Variants in EXOC6B observed in about 807,000 individuals in gnomAD.
EXOC6B encodes the protein SEC15 homolog B.
Under a neutral mutation model 113.5 loss-of-function variants are expected in EXOC6B, and 54 were observed. The ratio of observed to expected loss-of-function variants is 0.48; its 90% CI spans 0.38 to 0.60. The LOEUF (loss-of-function observed/expected upper bound fraction) is 0.60, where lower values mean the gene tolerates loss of function less well. Ranked by LOEUF, EXOC6B falls within the 20% of genes least tolerant of loss-of-function variation. The pLI is 0.00. For missense variants in EXOC6B, 797 were observed against 977.5 expected (o/e 0.82, Z 2.46); for synonymous variants, 357 against 339.0 (o/e 1.05, Z -0.58).
chr2:72,385,124 T>C (rs1029275307), intron 18 of EXOC6B, among the ~76,000 whole-genome samples: 1 of 152,062 alleles, frequency 6.6e-6, no homozygotes, highest in African/African-American at 2.4e-5. Flanking sequence ...TACAAATCTA[T>C]AGTAATCAAG....
At chr2:72,796,439 T>A (rs1684955328) in intron 1 of EXOC6B, among the ~76,000 whole-genome samples, 1 of 138,526 alleles carries the variant, frequency 7.2e-6, no homozygotes, top group Non-Finnish European at 1.5e-5. Context: ...GGTGACAGAG[T>A]GAGACTCCAT....
At chr2:72,656,947 G>A (rs918027727) in intron 6 of EXOC6B, among the ~76,000 whole-genome samples, 4 of 152,000 alleles carry the variant, frequency 2.6e-5, no homozygotes, top group Non-Finnish European at 5.9e-5. Flanking sequence ...CACCCCCTAG[G>A]TTCAAGTGAT....
chr2:72,641,615 G>C (rs1673242964), intron 6 of EXOC6B, among the ~76,000 whole-genome samples: 1 of 152,228 alleles, frequency 6.6e-6, no homozygotes, highest in Admixed American at 6.5e-5. Context: ...TGTGTGTATA[G>C]ACCCCACCTC....
At chr2:72,226,572 G>A (rs1681253599) in intron 20 of EXOC6B, among the ~76,000 whole-genome samples, 1 of 152,168 alleles carries the variant, frequency 6.6e-6, no homozygotes, top group Non-Finnish European at 1.5e-5. Context: ...GGAAAGTAAA[G>A]TTGTACTCTT....
intron 7 of EXOC6B, among the ~76,000 whole-genome samples, chr2:72,563,793 T>A (rs945802390): frequency 6.6e-6 from 1 of 152,030 alleles, no homozygotes; most frequent in African/African-American, 2.4e-5. Context: ...TAAAAGAAAG[T>A]CTCTAAGAAC....
rs879919639 is a variant in EXOC6B, at chr2:72,250,049, A to C, written c.2197-65862T>G. Among the ~76,000 whole-genome samples, 57 of 152,348 alleles carry C rather than the reference A, an allele frequency of 3.7e-4. 1 individual carries two copies. Among genetic ancestry groups the C allele is most frequent in the Non-Finnish European group, 5.0e-4 (34 of 68,036 alleles). On this transcript the variant is annotated intron_variant, in intron 20 of 21. Coordinates refer to ENST00000272427, the MANE Select transcript of EXOC6B (RefSeq NM_015189.3). ...CTTATTGTCTGGCACATGGTAATAC[A>C]CTTCCTAGCGACTGAATAAATGAAT... is the stretch of plus-strand genomic sequence containing the variant.
At chr2:72,190,914 A>C in intron 20 of EXOC6B, among the ~76,000 whole-genome samples, 1 of 152,236 alleles carries the variant, frequency 6.6e-6, no homozygotes, top group East Asian at 1.9e-4. Context: ...GGAGAGTGTT[A>C]GATTTTTAGA....
intron 1 of EXOC6B, among the ~76,000 whole-genome samples, chr2:72,745,393 T>G (rs139131424): frequency 6.6e-6 from 1 of 152,226 alleles, no homozygotes; most frequent in African/African-American, 2.4e-5. Context: ...AATATTCTCT[T>G]TAATTATTAT....
intron 18 of EXOC6B, among the ~76,000 whole-genome samples, chr2:72,419,184 TA>T (rs1694713942): frequency 6.6e-6 from 1 of 152,184 alleles, no homozygotes; most frequent in African/African-American, 2.4e-5. Flanking sequence ...GATGAATAAT[TA>T]TTTTTAATGT....
At chr2:72,219,599 C>G (rs554228814) in intron 20 of EXOC6B, among the ~76,000 whole-genome samples, 3 of 152,048 alleles carry the variant, frequency 2.0e-5, no homozygotes, top group Non-Finnish European at 4.4e-5. Flanking sequence ...CCTACTCTAT[C>G]TAACCTAAGC....
rs1315576250 is a variant in EXOC6B at position 72,697,141 on chromosome 2, TA to T, written c.669+20961del. Among the ~76,000 whole-genome samples the T allele has an allele frequency of 3.0e-3, 450 of 152,078 alleles. 1 individual carries two copies. Among genetic ancestry groups the T allele is most frequent in the African/African-American group, 9.8e-3 (408 of 41,486 alleles). On this transcript the variant is annotated intron_variant, in intron 6 of 21. Transcript: ENST00000272427. ...ATAGATATAGATATAGATATAGATATAGATATAGATATGGGGTATACACACA... is the reference window on the plus strand; with the variant it reads ...ATAGATATAGATATAGATATAGATATGATATAGATATGGGGTATACACACA...
intron 1 of EXOC6B, among the ~76,000 whole-genome samples, chr2:72,781,490 T>G (rs2104992037): frequency 6.6e-6 from 1 of 152,302 alleles, no homozygotes; most frequent in Non-Finnish European, 1.5e-5. Flanking sequence ...AAGTAAATAT[T>G]TTCAGCTTTA....
chr2:72,560,125 T>G (rs6756070), intron 7 of EXOC6B, among the ~76,000 whole-genome samples: 20,522 of 152,030 alleles, frequency 0.13, 1,600 homozygotes, highest in African/African-American at 0.21. Context: ...TTAATGTGAA[T>G]AGTGTATGTT....
chr2:72,643,114 C>T (rs1673392155), intron 6 of EXOC6B, among the ~76,000 whole-genome samples: 1 of 151,744 alleles, frequency 6.6e-6, no homozygotes, highest in Admixed American at 6.6e-5. Context: ...CAGGAAACAA[C>T]AGGTGCTGGA....
At chr2:72,253,271 G>A (rs1384926659) in intron 20 of EXOC6B, among the ~76,000 whole-genome samples, 1 of 152,198 alleles carries the variant, frequency 6.6e-6, no homozygotes, top group Non-Finnish European at 1.5e-5. Context: ...TTCAGCCACT[G>A]AGGAAAGCAG....
At chr2:72,725,235 T>C (rs1680230495) in intron 5 of EXOC6B, among the ~76,000 whole-genome samples, 1 of 152,140 alleles carries the variant, frequency 6.6e-6, no homozygotes, top group African/African-American at 2.4e-5. Context: ...TACTTATACA[T>C]CTCTCAGAAG....
chr2:72,277,337 A>G (rs1188634721), intron 20 of EXOC6B, among the ~76,000 whole-genome samples: 1 of 152,116 alleles, frequency 6.6e-6, no homozygotes, highest in Admixed American at 6.6e-5. Flanking sequence ...GACACCTATC[A>G]GCTCAGTCCT....
At chr2:72,256,753 G>C (rs1398972545) in intron 20 of EXOC6B, among the ~76,000 whole-genome samples, 1 of 152,138 alleles carries the variant, frequency 6.6e-6, no homozygotes, top group Non-Finnish European at 1.5e-5. Context: ...TTACAAAGCT[G>C]CAAGGTAATT....
intron 20 of EXOC6B, among the ~76,000 whole-genome samples, chr2:72,192,701 C>T (rs1678923137): frequency 1.3e-5 from 2 of 152,146 alleles, no homozygotes; most frequent in South Asian, 4.1e-4. Flanking sequence ...AGTGACCATA[C>T]CCCTCTTCCC....
Sources: gnomAD v4.1 joint callset for allele counts (sites outside exome capture counted in the v4.1 genomes callset) on GRCh38, gnomAD v4.1.1 for gene constraint, MANE v1.5 for transcripts, NCBI Gene and HGNC (gene_info 2026-07-23, HGNC 2026-07-21) for gene names.